The following PPP2R2B variants were observed in gnomAD, a reference collection of about 807,000 sequenced individuals.
The protein encoded by PPP2R2B is serine/threonine-protein phosphatase 2A 55 kDa regulatory subunit B beta isoform.
Under a neutral mutation model 46.0 loss-of-function variants are expected in PPP2R2B, and 5 were observed. The ratio of observed to expected loss-of-function variants is 0.11; its 90% CI spans 0.06 to 0.23. PPP2R2B has a LOEUF of 0.23. Among genes scored for constraint, PPP2R2B ranks in the 10% least tolerant of loss-of-function variants. PPP2R2B has a pLI of 1.00. For synonymous variants in PPP2R2B, 215 were observed against 206.7 expected (o/e 1.04, Z -0.34); for missense variants, 367 against 575.0 (o/e 0.64, Z 3.70).
chr5:146,806,498 G>T (rs1399760216), intron 2 of PPP2R2B, among the ~76,000 whole-genome samples: 1 of 152,194 alleles, frequency 6.6e-6, no homozygotes, highest in African/African-American at 2.4e-5. Context: ...AGAGGTACCT[G>T]ACTCTTTCCA....
intron 2 of PPP2R2B, among the ~76,000 whole-genome samples, chr5:146,797,015 T>G (rs368450326): frequency 1.5e-4 from 23 of 152,316 alleles, no homozygotes; most frequent in Admixed American, 6.5e-4. Flanking sequence ...AGCTAAACTC[T>G]TCCAAAAGTT....
At chr5:146,858,112 G>T (rs1184036513) in intron 2 of PPP2R2B, among the ~76,000 whole-genome samples, 5 of 152,184 alleles carry the variant, frequency 3.3e-5, no homozygotes, top group Non-Finnish European at 4.4e-5. Flanking sequence ...GCCTTATGAG[G>T]TTAAGCATTG....
chr5:146,831,722 G>A (rs987554299), intron 2 of PPP2R2B, among the ~76,000 whole-genome samples: 1 of 151,928 alleles, frequency 6.6e-6, no homozygotes, highest in East Asian at 1.9e-4. Flanking sequence ...CCTGGGAGGC[G>A]GAGGCTGCAG....
chr5:146,592,338 A>T (rs78905242), intron 9 of PPP2R2B: 1 of 216,384 alleles, frequency 4.6e-6, no homozygotes, highest in Non-Finnish European at 9.5e-6. Context: ...TTCAAACACT[A>T]TTATTGGTGC....
rs62375673 is a variant in PPP2R2B, at chr5:146,713,425, T to C, written c.71-12283A>G. ...ATGTATTTGATGCCACCAAACTGTA[T>C]ACTGAAAAATAGTTAAAATGGTAAA... On this transcript the variant is annotated intron_variant, in intron 2 of 9. Transcript: ENST00000394411. 6.8e-3 allele frequency among the ~76,000 whole-genome samples: 1,035 copies of C among 152,314 alleles called. 9 individuals carry two copies. Among genetic ancestry groups the C allele is most frequent in the Non-Finnish European group, 9.5e-3 (645 of 68,020 alleles).
intron 1 of PPP2R2B, among the ~76,000 whole-genome samples, chr5:147,012,182 A>C (rs1474554628): frequency 6.6e-6 from 1 of 151,918 alleles, no homozygotes; most frequent in African/African-American, 2.4e-5. Context: ...CCTCTGGTAG[A>C]ATTCAGCTGT....
intron 2 of PPP2R2B, among the ~76,000 whole-genome samples, chr5:147,062,245 TC>T (rs1227247454): frequency 6.6e-6 from 1 of 152,214 alleles, no homozygotes; most frequent in Non-Finnish European, 1.5e-5. Flanking sequence ...GGCTGTACCA[TC>T]TAGGTTTGTG....
chr5:146,860,377 C>G (rs1410742384), intron 2 of PPP2R2B, among the ~76,000 whole-genome samples: 1 of 152,162 alleles, frequency 6.6e-6, no homozygotes, highest in African/African-American at 2.4e-5. Context: ...ATATCAAAAA[C>G]AGAGGTCATG....
chr5:146,641,423 C>A (rs1775200689), intron 6 of PPP2R2B, among the ~76,000 whole-genome samples: 1 of 151,854 alleles, frequency 6.6e-6, no homozygotes, highest in African/African-American at 2.4e-5. Flanking sequence ...TCTCTTCTGG[C>A]TTTAGGCTTG....
upstream of PPP2R2B, among the ~76,000 whole-genome samples, chr5:147,060,862 T>G (rs955305782): frequency 7.2e-5 from 11 of 152,196 alleles, no homozygotes; most frequent in African/African-American, 2.7e-4. Context: ...TTTTTTATGC[T>G]GAATTCTGAG....
At chr5:147,031,478 C>CTT (rs60219345) in intron 1 of PPP2R2B, among the ~76,000 whole-genome samples, 481 of 148,476 alleles carry the variant, frequency 3.2e-3, no homozygotes, top group Middle Eastern at 0.01. Flanking sequence ...CTAGGCATTG[C>CTT]TTTTTTTTTT....
intron 1 of PPP2R2B, among the ~76,000 whole-genome samples, chr5:147,023,291 C>T (rs1755373827): frequency 1.3e-5 from 2 of 151,854 alleles, no homozygotes; most frequent in African/African-American, 2.4e-5. Context: ...GCAAGGAATT[C>T]AGTAGAGGAG....
At chr5:147,026,498 T>A (rs1561584804) in intron 1 of PPP2R2B, among the ~76,000 whole-genome samples, 1 of 152,124 alleles carries the variant, frequency 6.6e-6, no homozygotes, top group Non-Finnish European at 1.5e-5. Flanking sequence ...TAATAGATAT[T>A]TTCATTCTCT....
At chr5:146,707,038 T>C in intron 2 of PPP2R2B, 2 of 1,088,026 alleles carry the variant, frequency 1.8e-6, no homozygotes, top group Non-Finnish European at 1.4e-6. Flanking sequence ...GAGGACAAAT[T>C]CATTCTCCGT....
At chr5:146,858,415 C>T (rs1431136101) in intron 2 of PPP2R2B, among the ~76,000 whole-genome samples, 1 of 152,210 alleles carries the variant, frequency 6.6e-6, no homozygotes, top group Non-Finnish European at 1.5e-5. Flanking sequence ...CAAGTATTAT[C>T]TCACTTAATC....
intron 1 of PPP2R2B, among the ~76,000 whole-genome samples, chr5:146,906,306 C>CTTTT (rs1554075172): frequency 2.0e-5 from 3 of 149,166 alleles, no homozygotes; most frequent in Admixed American, 6.7e-5. Context: ...TACCATTTTC[C>CTTTT]ATTTATTTAT....
intron 2 of PPP2R2B, among the ~76,000 whole-genome samples, chr5:146,816,303 G>A (rs904802194): frequency 6.6e-6 from 1 of 152,162 alleles, no homozygotes; most frequent in African/African-American, 2.4e-5. Flanking sequence ...TACTAGGGAG[G>A]CTAGGAGGAT....
At chr5:146,821,878 T>C (rs1758283486) in intron 2 of PPP2R2B, among the ~76,000 whole-genome samples, 1 of 152,198 alleles carries the variant, frequency 6.6e-6, no homozygotes, top group African/African-American at 2.4e-5. Context: ...AAATTCCCAT[T>C]TATGCAAAGT....
rs138514124 is a variant in PPP2R2B, at chr5:146,704,249, C to G, written c.71-3107G>C. On this transcript the variant is annotated intron_variant, in intron 2 of 9. Transcript: ENST00000394411. ...CAAATACTCTTGTGTTTGCAGCATG[C>G]TCTTTGGTAAGGCAGTTTAAACTGG... Among the ~76,000 whole-genome samples, 1,489 of 152,310 alleles carry G rather than the reference C, an allele frequency of 9.8e-3. 29 individuals carry two copies. The highest frequency in any genetic ancestry group is 9.2e-3 in the Non-Finnish European group (628 of 68,024).
Sources: allele counts gnomAD v4.1 joint callset (sites outside exome capture counted in the v4.1 genomes callset), GRCh38; gene constraint gnomAD v4.1.1; transcripts MANE v1.5; gene names NCBI Gene and HGNC (gene_info 2026-07-23, HGNC 2026-07-21).